EVL: variants seen among roughly 807,000 people sequenced by gnomAD.
EVL encodes the protein ena/VASP-like protein.
In EVL, 21 loss-of-function variants were observed where a neutral mutation model predicts 59.6. That is an observed-to-expected ratio of 0.35 (90% CI 0.25 to 0.51). The LOEUF (loss-of-function observed/expected upper bound fraction) is 0.51. EVL is among the 20% of genes least tolerant of loss of function. The pLI is 0.97. For missense variants in EVL, 462 were observed against 546.6 expected (o/e 0.85, Z 1.54); for synonymous variants, 198 against 203.5 (o/e 0.97, Z 0.23).
At chr14:100,010,260 A>G (rs1302289072) in intron 1 of EVL, among the ~76,000 whole-genome samples, 1 of 152,198 alleles carries the variant, frequency 6.6e-6, no homozygotes, top group Non-Finnish European at 1.5e-5. Flanking sequence ...AAAGTAAGTC[A>G]CGATATACAG....
At chr14:99,984,902 C>A (rs2060830632) in intron 1 of EVL, among the ~76,000 whole-genome samples, 1 of 152,126 alleles carries the variant, frequency 6.6e-6, no homozygotes, top group Admixed American at 6.5e-5. Flanking sequence ...AGGCATAAGC[C>A]ACTGTGCCCA....
intron 1 of EVL, among the ~76,000 whole-genome samples, chr14:100,047,918 T>C (rs2061580520): frequency 1.3e-5 from 2 of 152,192 alleles, no homozygotes; most frequent in African/African-American, 2.4e-5. Flanking sequence ...GACACCCTTA[T>C]GCAAAAAGAA....
Position 100,130,049 on chromosome 14 carries a change from C to T in EVL, c.839+365C>T, listed in dbSNP as rs1355650134. 6.6e-6 allele frequency among the ~76,000 whole-genome samples: 1 copy of T among 152,176 alleles called. No individual in the cohort carries two copies. Among genetic ancestry groups the T allele is most frequent in the East Asian group, 1.9e-4 (1 of 5,192 alleles). On this transcript the variant is annotated intron_variant, in intron 7 of 13. Transcript: ENST00000392920. This position sits in a 1 kb window ranked among gnomAD's most constrained non-coding sequence, Gnocchi z 4.8. ...AGAAATAAGATGTGGCCGCAGTGGT[C>T]GAGTTTGCAGAGGACACTCTGGTGA...
intron 1 of EVL, among the ~76,000 whole-genome samples, chr14:100,007,859 C>T (rs1028560661): frequency 1.3e-5 from 2 of 152,176 alleles, no homozygotes; most frequent in East Asian, 3.8e-4. Flanking sequence ...TTTCCTGGTT[C>T]TGCCCTCCCA....
intron 8 of EVL, among the ~76,000 whole-genome samples, chr14:100,133,590 C>T (rs1277091004): frequency 6.6e-6 from 1 of 152,178 alleles, no homozygotes; most frequent in Non-Finnish European, 1.5e-5. Context: ...CCCTTTGCCC[C>T]ACCAGCCAAC....
At chr14:100,059,172 A>G (rs2061781028) in intron 1 of EVL, among the ~76,000 whole-genome samples, 1 of 152,250 alleles carries the variant, frequency 6.6e-6, no homozygotes, top group Non-Finnish European at 1.5e-5. Context: ...AAGCAACTGA[A>G]TATACAAAGG....
At chr14:100,030,929 CAGTA>C (rs1310722924) in intron 1 of EVL, among the ~76,000 whole-genome samples, 3 of 152,184 alleles carry the variant, frequency 2.0e-5, no homozygotes, top group African/African-American at 4.8e-5. Context: ...CTAGTGTGAT[CAGTA>C]AGTGTCTGTT....
intron 1 of EVL, among the ~76,000 whole-genome samples, chr14:100,000,118 T>A (rs2060936473): frequency 6.6e-6 from 1 of 152,222 alleles, no homozygotes; most frequent in Non-Finnish European, 1.5e-5. Context: ...AAGTTTGTTT[T>A]GCCAAGGTTG....
chr14:100,044,026 C>T (rs748075607), intron 1 of EVL, among the ~76,000 whole-genome samples: 3 of 152,188 alleles, frequency 2.0e-5, no homozygotes, highest in Non-Finnish European at 4.4e-5. Context: ...CTTCCCTACT[C>T]AGTCCACCAA....
intron 2 of EVL, among the ~76,000 whole-genome samples, chr14:100,096,299 CTG>C (rs1354388070): frequency 2.0e-5 from 3 of 152,242 alleles, no homozygotes; most frequent in African/African-American, 7.2e-5. Flanking sequence ...CAGACAAAAT[CTG>C]AGAAATCATC....
chr14:100,131,548 G>A (rs1229951470), intron 7 of EVL, among the ~76,000 whole-genome samples: 1 of 152,222 alleles, frequency 6.6e-6, no homozygotes, highest in Non-Finnish European at 1.5e-5. Context: ...GAAAGCTCCT[G>A]TTCAGCAGCA....
At chr14:100,074,695 G>A (rs2062123569) in intron 1 of EVL, 1 of 152,650 alleles carries the variant, frequency 6.6e-6, no homozygotes, top group Non-Finnish European at 1.5e-5. Context: ...CAGCCAGCCA[G>A]ACTTTCTCTA....
At chr14:99,997,738 G>T in intron 1 of EVL, among the ~76,000 whole-genome samples, 1 of 152,206 alleles carries the variant, frequency 6.6e-6, no homozygotes. Flanking sequence ...TGATGTTCAT[G>T]TGTAACTTCA....
chr14:99,995,156 T>G (rs2060905168), intron 1 of EVL, among the ~76,000 whole-genome samples: 1 of 152,194 alleles, frequency 6.6e-6, no homozygotes, highest in Admixed American at 6.5e-5. Context: ...TATTTGGAGT[T>G]TTTTTAACCT....
In EVL at chr14:100,004,753, TTC is replaced by T. The variant is rs149857231; in HGVS notation, c.5+32698_5+32699del. 6.6e-3 allele frequency among the ~76,000 whole-genome samples: 1,013 copies of T among 152,336 alleles called. 8 individuals are homozygous for T. Among genetic ancestry groups the T allele is most frequent in the African/African-American group, 0.023 (965 of 41,576 alleles). On this transcript the variant is annotated intron_variant, in intron 1 of 13. Coordinates refer to the EVL transcript ENST00000402714. ...AAAATACCTCTTTATTGCTGTAACT[TTC>T]TATATATTTCTCTTATTTCCTGGTT...
chr14:100,066,179 G>A (rs890565922), intron 1 of EVL, among the ~76,000 whole-genome samples: 36 of 152,166 alleles, frequency 2.4e-4, no homozygotes, highest in African/African-American at 7.5e-4. Flanking sequence ...GGGGTTTGGG[G>A]CATTTGTTTG....
intron 3 of EVL, among the ~76,000 whole-genome samples, chr14:100,099,269 A>G (rs1002309894): frequency 6.6e-6 from 1 of 151,962 alleles, no homozygotes; most frequent in Non-Finnish European, 1.5e-5. Flanking sequence ...AGATCTGGGC[A>G]TTGTGGTGCA....
intron 1 of EVL, among the ~76,000 whole-genome samples, chr14:99,985,316 G>C (rs955458025): frequency 4.0e-5 from 6 of 151,864 alleles, no homozygotes; most frequent in African/African-American, 9.7e-5. Context: ...TATTACATTT[G>C]AGATGGGCCT....
chr14:100,117,223 G>GC (rs1414932969), intron 3 of EVL, among the ~76,000 whole-genome samples: 42 of 152,350 alleles, frequency 2.8e-4, no homozygotes, highest in African/African-American at 9.4e-4. Context: ...AGACCGGGTG[G>GC]CTCCTAAGGC....
Sources: allele counts gnomAD v4.1 joint callset (sites outside exome capture counted in the v4.1 genomes callset), GRCh38; gene constraint gnomAD v4.1.1; non-coding constraint Gnocchi (gnomAD v3.1); transcripts MANE v1.5; gene names NCBI Gene and HGNC (gene_info 2026-07-23, HGNC 2026-07-21).